Variants in HDAC9 observed in about 807,000 individuals in gnomAD.
HDAC9 encodes histone deacetylase 9.
A neutral mutation model predicts 139.4 loss-of-function variants in HDAC9; 41 were observed. The ratio of observed to expected loss-of-function variants is 0.29; its 90% CI spans 0.23 to 0.38. HDAC9 has a LOEUF of 0.38. HDAC9 is among the 10% of genes least tolerant of loss of function. The pLI, the probability that HDAC9 is intolerant of heterozygous loss-of-function variation, is 1.00. For synonymous variants in HDAC9, 517 were observed against 476.2 expected (o/e 1.09, Z -1.12); for missense variants, 1,147 against 1,297.0 (o/e 0.88, Z 1.78).
chr7:18,598,855 T>G (rs1833174955), intron 6 of HDAC9, among the ~76,000 whole-genome samples: 2 of 152,248 alleles, frequency 1.3e-5, no homozygotes, highest in Admixed American at 1.3e-4. Flanking sequence ...TTGTTAATTT[T>G]GCATATTCTC....
rs1210723570 is a variant in HDAC9, at chr7:18,806,660, C to A, written c.2322+13208C>A. The stretch of plus-strand genomic sequence containing the variant: ...TATATGAAAATACATTTATTATATA[C>A]CTAATTTGTTGGGAATTTTATTCAG... On this transcript the variant is annotated intron_variant, in intron 17 of 25. Coordinates refer to ENST00000686413, the MANE Select transcript of HDAC9 (RefSeq NM_178425.4). 2.6e-5 allele frequency among the ~76,000 whole-genome samples: 4 copies of A among 152,056 alleles called. No homozygotes were observed. In the East Asian group the frequency reaches 5.8e-4, roughly 22 times the overall value.
intron 2 of HDAC9, chr7:18,162,447 T>C: frequency 8.5e-7 from 1 of 1,170,830 alleles, no homozygotes; most frequent in Non-Finnish European, 1.2e-6. Context: ...GAAGGAACTT[T>C]TTTTTTTTTG....
intron 11 of HDAC9, among the ~76,000 whole-genome samples, chr7:18,662,251 C>T (rs1793414951): frequency 6.6e-6 from 1 of 151,948 alleles, no homozygotes; most frequent in Non-Finnish European, 1.5e-5. Flanking sequence ...TAAATGGCCA[C>T]TGGATTTGGC....
chr7:18,245,490 A>AG (rs747841500), intron 2 of HDAC9, among the ~76,000 whole-genome samples: 22 of 152,086 alleles, frequency 1.4e-4, no homozygotes, highest in Non-Finnish European at 2.9e-4. Context: ...CAGGAGGCTG[A>AG]GGCGGGAGAA....
intron 2 of HDAC9, among the ~76,000 whole-genome samples, chr7:18,195,555 C>A (rs1350662455): frequency 6.6e-6 from 1 of 152,062 alleles, no homozygotes; most frequent in Non-Finnish European, 1.5e-5. Context: ...TCTTTAGGAT[C>A]AGTGATAAGG....
chr7:18,690,039 A>T (rs943755975), intron 12 of HDAC9, among the ~76,000 whole-genome samples: 1 of 152,018 alleles, frequency 6.6e-6, no homozygotes, highest in Non-Finnish European at 1.5e-5. Context: ...ATCCTTGGGA[A>T]AGGAACAGAG....
At chr7:18,408,663 G>A (rs986981618) in intron 1 of HDAC9, among the ~76,000 whole-genome samples, 6 of 152,060 alleles carry the variant, frequency 3.9e-5, no homozygotes, top group Non-Finnish European at 7.4e-5. Flanking sequence ...TCATCCTATC[G>A]GAATGTCCTT....
chr7:19,001,543 G>C lies in HDAC9; in HGVS notation c.*5481G>C, dbSNP rs932081972. On this transcript the variant is annotated 3_prime_UTR_variant, in exon 26 of 26. Transcript: ENST00000686413. The stretch of plus-strand genomic sequence containing the variant: ...TAACTTAAAATTCAACAGAAATGGA[G>C]TAATTAAAAAAAAAAACAAAAAACA... The C allele has an allele frequency of 7.1e-5, 7 of 98,964 alleles. 1 individual carries two copies. Among genetic ancestry groups the C allele is most frequent in the African/African-American group, 3.9e-4 (7 of 18,106 alleles). 6.1% of individuals were successfully genotyped at this position (98,964 alleles called of 1,614,324 possible).
At chr7:18,326,063 G>T (rs1027072019) in intron 1 of HDAC9, among the ~76,000 whole-genome samples, 1 of 152,072 alleles carries the variant, frequency 6.6e-6, no homozygotes, top group African/African-American at 2.4e-5. Context: ...CTTGATACAC[G>T]TGTGTAAAAT....
intron 2 of HDAC9, among the ~76,000 whole-genome samples, chr7:18,185,633 C>G (rs1299071449): frequency 6.6e-6 from 1 of 151,526 alleles, no homozygotes; most frequent in Non-Finnish European, 1.5e-5. Flanking sequence ...TTTTTTTTCT[C>G]TTTGTATTTA....
Position 18,534,074 on chromosome 7 carries a change from T to C in HDAC9, c.22+37750T>C, listed in dbSNP as rs936170685. Among the ~76,000 whole-genome samples, 6 of 152,344 alleles carry C rather than the reference T, an allele frequency of 3.9e-5. No individual in the cohort carries two copies. The Middle Eastern group carries it at 0.01, about 259-fold the overall frequency. On this transcript the variant is annotated intron_variant, in intron 2 of 25. Coordinates refer to ENST00000686413, the MANE Select transcript of HDAC9 (RefSeq NM_178425.4). ...ACTTTATACTTTTTCTCTGCTCTCC[T>C]CCTTTCATGTTTGTTTTGATCTCTC...
chr7:18,835,890 C>G lies in HDAC9; in HGVS notation c.2587-10C>G. 1 of 1,538,372 alleles carries G rather than the reference C, an allele frequency of 6.5e-7. No individual in the cohort carries two copies. ...TCTCTGCCCACCGTGGTGTGTCTTT[C>G]TCTTCCCAGGTTGGAACAGGCCTTG... On this transcript the variant is annotated splice_polypyrimidine_tract_variant and intron_variant, in intron 20 of 25. Transcript: ENST00000686413.
chr7:18,417,260 C>G (rs1436083223), intron 1 of HDAC9, among the ~76,000 whole-genome samples: 1 of 148,906 alleles, frequency 6.7e-6, no homozygotes, highest in African/African-American at 2.6e-5. Flanking sequence ...GTAGTTTTCA[C>G]TCTAGAAGTT....
At chr7:18,888,975 T>C (rs1398469995) in intron 22 of HDAC9, among the ~76,000 whole-genome samples, 1 of 152,222 alleles carries the variant, frequency 6.6e-6, no homozygotes, top group Non-Finnish European at 1.5e-5. Flanking sequence ...AGAAATTACC[T>C]ATTTCAGAAA....
At chr7:18,421,799 A>G (rs192964087) in intron 1 of HDAC9, among the ~76,000 whole-genome samples, 19 of 152,346 alleles carry the variant, frequency 1.2e-4, no homozygotes, top group Admixed American at 1.0e-3. Flanking sequence ...CACAAGATTA[A>G]TGAGAGCCCT....
chr7:18,570,851 T>A (rs1249877190), intron 2 of HDAC9, among the ~76,000 whole-genome samples: 1 of 152,232 alleles, frequency 6.6e-6, no homozygotes, highest in Non-Finnish European at 1.5e-5. Flanking sequence ...GTTCCATAAT[T>A]TAAATTAGAA....
At chr7:18,754,334 T>A (rs1292785818) in intron 14 of HDAC9, among the ~76,000 whole-genome samples, 1 of 152,016 alleles carries the variant, frequency 6.6e-6, no homozygotes, top group Non-Finnish European at 1.5e-5. Flanking sequence ...ATGTGCATGC[T>A]CCTGAAGAAA....
chr7:18,980,949 G>A (rs1021669570), intron 25 of HDAC9, among the ~76,000 whole-genome samples: 7 of 151,594 alleles, frequency 4.6e-5, no homozygotes, highest in African/African-American at 1.5e-4. Flanking sequence ...TCAGCCTCTC[G>A]AGTATCTGGG....
intron 1 of HDAC9, among the ~76,000 whole-genome samples, chr7:18,138,670 G>A (rs1172822466): frequency 1.3e-5 from 2 of 151,890 alleles, no homozygotes; most frequent in Non-Finnish European, 2.9e-5. Flanking sequence ...GAACTCCTTT[G>A]GACATGCACC....
Sources: allele counts gnomAD v4.1 joint callset (sites outside exome capture counted in the v4.1 genomes callset), GRCh38; gene constraint gnomAD v4.1.1; transcripts MANE v1.5; gene names NCBI Gene and HGNC (gene_info 2026-07-23, HGNC 2026-07-21).